Variants in MRM3 observed in about 807,000 individuals in gnomAD.
MRM3 encodes rRNA methyltransferase 3, mitochondrial.
Under a neutral mutation model 29.4 loss-of-function variants are expected in MRM3, and 26 were observed. The ratio of observed to expected loss-of-function variants is 0.89; its 90% CI spans 0.65 to 1.23. The LOEUF is 1.23. Ranked by LOEUF, MRM3 falls within the 50% of genes most tolerant of loss-of-function variation. MRM3 has a pLI of 0.00. For synonymous variants in MRM3, 225 were observed against 219.0 expected, an observed-to-expected ratio of 1.03 and a Z score of -0.24; for missense variants, 578 against 540.2, an observed-to-expected ratio of 1.07 and a Z score of -0.69.
At chr17:786,050 C>T (rs1324803055) in intron 2 of MRM3, among the ~76,000 whole-genome samples, 2 of 152,156 alleles carry the variant, frequency 1.3e-5, no homozygotes, top group East Asian at 1.9e-4. Flanking sequence ...CAAATGGAAA[C>T]AAATGATAGA....
intron 3 of MRM3, chr17:789,872 G>A (rs1003646607): frequency 1.3e-5 from 2 of 152,232 alleles, no homozygotes; most frequent in Non-Finnish European, 2.9e-5. Flanking sequence ...CAGTATCCAG[G>A]ACATGAGGAT....
chr17:792,217 T>G lies in MRM3; in HGVS notation c.*148T>G. On this transcript the variant is annotated 3_prime_UTR_variant, in exon 4 of 4. Transcript: ENST00000304478. ...ATACAGTTACAGGAAAAATAAGAAC[T>G]TCCTCAGAAAGAACAGGTCCGAATT... 1 of 744,512 alleles carries G rather than the reference T, an allele frequency of 1.3e-6. No homozygotes were observed. The highest frequency in any genetic ancestry group is 2.1e-6 in the Non-Finnish European group (1 of 474,868). The allele number at this position is 744,512 out of a possible 1,614,324, so 46.1% of individuals were successfully genotyped here.
chr17:782,567 T>A lies in MRM3; in HGVS notation c.189T>A (p.Ser63=), dbSNP rs1910174746. 1 of 1,613,958 alleles carries A rather than the reference T, an allele frequency of 6.2e-7. No homozygotes were observed. Among genetic ancestry groups the A allele is most frequent in the Admixed American group, 1.7e-5 (1 of 60,006 alleles). ...GGAAGCAGCCCCGCAAGGCACCATCTGAGGCCAGTGCCCAGGAGCAACGAG... is the reference window on the plus strand; with the variant it reads ...GGAAGCAGCCCCGCAAGGCACCATCAGAGGCCAGTGCCCAGGAGCAACGAG... ...APGKQPRKAP[S]EASAQEQREK... Residue 63 remains serine (S), a synonymous_variant, in exon 1 of 4, where the codon TCT becomes TCA. Transcript: ENST00000304478.
At chr17:788,199 A>T in intron 3 of MRM3, 67 bp downstream of exon 3, 1 of 1,540,852 alleles carries the variant, frequency 6.5e-7, no homozygotes, top group Non-Finnish European at 8.9e-7. Context: ...AGGCCGAGGC[A>T]GGAGGGTCAC....
In MRM3 at chr17:783,227, G is replaced by A. The variant is rs777270127; in HGVS notation, c.459G>A (p.Lys153=). Residue 153 remains lysine, a synonymous_variant, in exon 2 of 4, where the codon AAG becomes AAA. Coordinates refer to ENST00000304478, the MANE Select transcript of MRM3 (RefSeq NM_018146.4). ...MFFFSRLEYL[K]ELPVDKLKGV... is the part of the protein sequence containing the mutation. The stretch of plus-strand genomic sequence containing the variant: ...TCTTTAGCCGTCTAGAATACCTAAA[G>A]GAGTTGCCAGTCGATAAGCTGAAAG... 4 of 1,614,140 alleles carry A rather than the reference G, an allele frequency of 2.5e-6. No homozygotes were observed. Among genetic ancestry groups the A allele is most frequent in the African/African-American group, 1.3e-5 (1 of 75,042 alleles).
rs761841112 is a variant in MRM3, at chr17:791,878, G to A, written c.1072G>A (p.Glu358Lys). Reference sequence around the variant, plus strand: ...GCCGGCAGCTGTGGTGATTGGCGGGGAGACCTACGGCGTGAGCCTGGAGTC... The same window carrying A: ...GCCGGCAGCTGTGGTGATTGGCGGGAAGACCTACGGCGTGAGCCTGGAGTC... ...EAPAAVVIGG[E>K]TYGVSLESLQ... Residue 358 changes from glutamate (E) to lysine (K), a missense_variant, in exon 4 of 4, where the codon GAG becomes AAG. Physicochemically the swap from Glu to Lys is moderately conservative, Grantham distance 56 (BLOSUM62 1). Transcript: ENST00000304478. 2 of 1,613,884 alleles carry A rather than the reference G, an allele frequency of 1.2e-6. No individual in the cohort carries two copies. Among genetic ancestry groups the A allele is most frequent in the African/African-American group, 2.7e-5 (2 of 74,940 alleles).
Position 792,304 on chromosome 17 carries a change from G to A in MRM3, c.*235G>A, listed in dbSNP as rs1050819351. ...CTCTTGGTGACAATAGGTGACCCAC[G>A]TGGCTCTGTGTGTTTTTAAAAATTG... On this transcript the variant is annotated 3_prime_UTR_variant, in exon 4 of 4. Coordinates refer to ENST00000304478, the MANE Select transcript of MRM3 (RefSeq NM_018146.4). 3 of 449,718 alleles carry A rather than the reference G, an allele frequency of 6.7e-6. No homozygotes were observed. The highest frequency in any genetic ancestry group is 4.0e-5 in the African/African-American group (2 of 50,394). 27.9% of individuals were successfully genotyped at this position (449,718 alleles called of 1,614,324 possible).
Position 787,540 on chromosome 17 carries a change from GT to G in MRM3, c.560-415del, listed in dbSNP as rs200901472. Among the ~76,000 whole-genome samples the G allele has an allele frequency of 5.4e-5, 8 of 149,314 alleles. No individual in the cohort carries two copies. The highest frequency in any genetic ancestry group is 3.4e-3 in the Middle Eastern group (1 of 290). The stretch of plus-strand genomic sequence containing the variant: ...TTTTGCCAATCAGAATGTATTCGTG[GT>G]TTTTTTTTTCCTTTTTTTTCTTTTT... On this transcript the variant is annotated intron_variant, in intron 2 of 3. Coordinates refer to ENST00000304478, the MANE Select transcript of MRM3 (RefSeq NM_018146.4). This position sits in a 1 kb window ranked among gnomAD's most constrained non-coding sequence, Gnocchi z 4.1.
chr17:784,268 G>C (rs570875187), intron 2 of MRM3, among the ~76,000 whole-genome samples: 1 of 152,338 alleles, frequency 6.6e-6, no homozygotes, highest in Non-Finnish European at 1.5e-5. Context: ...TCTTGTCTCT[G>C]TAACCCAGTG....
At chr17:790,995 T>G (rs1910791560) in intron 3 of MRM3, among the ~76,000 whole-genome samples, 1 of 150,596 alleles carries the variant, frequency 6.6e-6, no homozygotes, top group Non-Finnish European at 1.5e-5. Context: ...TCACCTCCTG[T>G]GCCGCCACAG....
At position 791,606 on chromosome 17, in the gene MRM3, A is replaced by G. The variant is rs138543348; in HGVS notation, c.800A>G (p.Asn267Ser). 6,449 of 1,614,238 alleles carry G rather than the reference A, an allele frequency of 4.0e-3. 19 individuals carry two copies. Among genetic ancestry groups the G allele is most frequent in the Middle Eastern group, 6.1e-3 (37 of 6,062 alleles). Reference protein sequence around the residue: ...MGAHFRMPIINNLEWETVPNY... With the variant: ...MGAHFRMPIISNLEWETVPNY... ...GCACATTTCCGGATGCCCATTATCA[A>G]TAATCTGGAATGGGAAACCGTGCCC... The change falls in exon 4 of 4, where the codon AAT becomes AGT. Residue 267 changes from asparagine (N) to serine (S), a missense_variant. Asn to Ser is a conservative substitution (Grantham distance 46). Coordinates refer to ENST00000304478, the MANE Select transcript of MRM3 (RefSeq NM_018146.4).
intron 2 of MRM3, among the ~76,000 whole-genome samples, chr17:783,724 G>A (rs577263496): frequency 1.3e-5 from 2 of 152,170 alleles, no homozygotes; most frequent in African/African-American, 2.4e-5. Flanking sequence ...AATTCAAAAT[G>A]TTACAATTAG....
chr17:782,389 T>C lies in MRM3; in HGVS notation c.11T>C (p.Leu4Pro), dbSNP rs1214946889. The part of the protein sequence containing the change: MAA[L>P]VRPARFVVRP... ...CGGGTCTCAGGGAACATGGCGGCGC[T>C]GGTGAGACCCGCGAGGTTTGTCGTG... The change falls in exon 1 of 4, where the codon CTG (leucine) becomes CCG (proline). Residue 4 changes from leucine (L) to proline (P), a missense_variant. Physicochemically the swap from Leu to Pro is moderately conservative, Grantham distance 98. Transcript: ENST00000304478. 1 of 1,613,676 alleles carries C rather than the reference T, an allele frequency of 6.2e-7. No individual in the cohort carries two copies. The highest frequency in any genetic ancestry group is 1.7e-5 in the Admixed American group (1 of 59,988).
chr17:782,981 C>G, intron 1 of MRM3, 102 bp from the exon 2 acceptor site: 1 of 1,484,798 alleles, frequency 6.7e-7, no homozygotes, highest in Non-Finnish European at 9.0e-7. Flanking sequence ...AGCCACCGCG[C>G]CCGGCCCTCT....
chr17:782,769 T>C (rs1910209499), intron 1 of MRM3, 77 bp downstream of exon 1: 2 of 1,430,624 alleles, frequency 1.4e-6, no homozygotes, highest in African/African-American at 1.4e-5. Flanking sequence ...CTCCTTCCGA[T>C]GGAGGACTTC....
chr17:791,978 C>G lies in MRM3; in HGVS notation c.1172C>G (p.Ser391Trp), dbSNP rs138299208. The change falls in exon 4 of 4, where the codon TCG (serine) becomes TGG (tryptophan). Residue 391 changes from serine (S) to tryptophan (W), a missense_variant. Ser to Trp is a radical substitution (Grantham distance 177). Coordinates refer to ENST00000304478, the MANE Select transcript of MRM3 (RefSeq NM_018146.4). Reference sequence around the variant, plus strand: ...GTGCCTGGTGTGGACAGCCTCAACTCGGCCATGGCGGCAAGCATCCTGCTT... The same window carrying G: ...GTGCCTGGTGTGGACAGCCTCAACTGGGCCATGGCGGCAAGCATCCTGCTT... ...PVVPGVDSLN[S>W]AMAASILLFE... 1 of 1,613,960 alleles carries G rather than the reference C, an allele frequency of 6.2e-7. No individual in the cohort carries two copies. The highest frequency in any genetic ancestry group is 1.3e-5 in the African/African-American group (1 of 75,044).
Position 782,533 on chromosome 17 carries a change from G to T in MRM3, c.155G>T (p.Arg52Leu). 1 of 1,613,586 alleles carries T rather than the reference G, an allele frequency of 6.2e-7. No homozygotes were observed. The highest frequency in any genetic ancestry group is 1.1e-5 in the South Asian group (1 of 91,082). Residue 52 changes from arginine (R) to leucine (L), a missense_variant, in exon 1 of 4, where the codon CGC becomes CTC. Transcript: ENST00000304478. ...FPSGEVVEQK[R>L]APGKQPRKAP... ...TCCGGAGAGGTGGTGGAACAGAAGC[G>T]CGCTCCTGGGAAGCAGCCCCGCAAG... is the stretch of plus-strand genomic sequence containing the variant.
At chr17:783,363 G>C in intron 2 of MRM3, 36 bp downstream of exon 2, 1 of 1,077,472 alleles carries the variant, frequency 9.3e-7, no homozygotes, top group Non-Finnish European at 1.3e-6. Flanking sequence ...TTTTTTTTTT[G>C]TCTTGTTCTG....
intron 3 of MRM3, 69 bp from the exon 4 acceptor site, chr17:791,465 G>T: frequency 1.3e-6 from 2 of 1,509,858 alleles, no homozygotes; most frequent in South Asian, 2.6e-5. Flanking sequence ...AAATTGATCA[G>T]ACTTACTCCA....
Sources: gnomAD v4.1 joint callset for allele counts (sites outside exome capture counted in the v4.1 genomes callset) on GRCh38, gnomAD v4.1.1 for gene constraint, Gnocchi (gnomAD v3.1) non-coding constraint, MANE v1.5 for transcripts, NCBI Gene and HGNC (gene_info 2026-07-23, HGNC 2026-07-21) for gene names.